The following APP variants were observed in gnomAD, a reference collection of about 807,000 sequenced individuals.
The protein encoded by APP is amyloid-beta precursor protein.
A neutral mutation model predicts 101.4 loss-of-function variants in APP; 31 were observed. The observed-to-expected ratio is 0.31, with a 90% confidence interval of 0.23 to 0.41. The LOEUF (loss-of-function observed/expected upper bound fraction) is 0.41. APP is among the 10% of genes least tolerant of loss of function. APP has a pLI of 1.00. For synonymous variants in APP, 366 were observed against 364.4 expected (o/e 1.00, Z -0.05); for missense variants, 839 against 1,003.7 (o/e 0.84, Z 2.22).
chr21:25,949,942 A>G (rs776438948), intron 13 of APP, among the ~76,000 whole-genome samples: 11 of 152,188 alleles, frequency 7.2e-5, no homozygotes, highest in Non-Finnish European at 1.3e-4. Context: ...TCAAAGTTCA[A>G]TTTCTTCAAC....
At chr21:26,035,202 G>A (rs2045048479) in intron 5 of APP, among the ~76,000 whole-genome samples, 1 of 152,108 alleles carries the variant, frequency 6.6e-6, no homozygotes, top group African/African-American at 2.4e-5. Context: ...GGGAGGTCAA[G>A]GCTACAGTGA....
At chr21:25,977,452 C>T (rs2042265475) in intron 9 of APP, among the ~76,000 whole-genome samples, 1 of 152,108 alleles carries the variant, frequency 6.6e-6, no homozygotes. Flanking sequence ...GGTACTTAGC[C>T]TTAAGGAATA....
intron 13 of APP, among the ~76,000 whole-genome samples, chr21:25,939,013 C>T (rs559351331): frequency 1.3e-5 from 2 of 152,186 alleles, no homozygotes; most frequent in African/African-American, 4.8e-5. Context: ...CTGATTTTTG[C>T]ACCCCAGGTA....
chr21:26,102,182 G>A (rs184690841), intron 2 of APP, among the ~76,000 whole-genome samples: 3,142 of 144,706 alleles, frequency 0.022, 104 homozygotes, highest in African/African-American at 0.078. Flanking sequence ...TCCACCTCCC[G>A]GGTTCACGCC....
At chr21:25,906,679 A>G (rs1002691785) in intron 14 of APP, among the ~76,000 whole-genome samples, 1 of 151,958 alleles carries the variant, frequency 6.6e-6, no homozygotes, top group Non-Finnish European at 1.5e-5. Context: ...TTTTTTTCCT[A>G]TTTGCAGCAA....
At chr21:25,998,838 T>G (rs929134397) in intron 7 of APP, among the ~76,000 whole-genome samples, 1 of 152,174 alleles carries the variant, frequency 6.6e-6, no homozygotes, top group Non-Finnish European at 1.5e-5. Context: ...GAATTTCACT[T>G]GGAAGTCTGT....
chr21:26,068,726 T>C (rs1295741774), intron 3 of APP, among the ~76,000 whole-genome samples: 1 of 152,080 alleles, frequency 6.6e-6, no homozygotes, highest in Non-Finnish European at 1.5e-5. Context: ...CTCAAGCCAA[T>C]CATTCTTTCC....
intron 5 of APP, among the ~76,000 whole-genome samples, chr21:26,049,193 G>A (rs2045734593): frequency 6.6e-6 from 1 of 152,058 alleles, no homozygotes; most frequent in Non-Finnish European, 1.5e-5. Flanking sequence ...TGGGGGAGAG[G>A]GAGACTGAAA....
intron 17 of APP, among the ~76,000 whole-genome samples, chr21:25,884,027 C>T (rs1252354745): frequency 2.0e-5 from 3 of 152,106 alleles, no homozygotes; most frequent in East Asian, 1.9e-4. Flanking sequence ...TACAGGCACC[C>T]GCCACTACGC....
In APP at chr21:26,022,519, C is replaced by T. The variant is rs115952641; in HGVS notation, c.663-477G>A. On this transcript the variant is annotated intron_variant, in intron 5 of 17. Coordinates refer to ENST00000346798, the MANE Select transcript of APP (RefSeq NM_000484.4). ...GGAATACTGGTTAATAATAGTGTAT[C>T]GATATTGGTTCAAACGTACCATACT... Among the ~76,000 whole-genome samples, 1,333 of 152,224 alleles carry T rather than the reference C, an allele frequency of 8.8e-3. 22 individuals carry two copies. Among genetic ancestry groups the T allele is most frequent in the African/African-American group, 0.03 (1,255 of 41,536 alleles).
chr21:26,089,357 G>A (rs2061769951), intron 3 of APP, among the ~76,000 whole-genome samples: 1 of 152,048 alleles, frequency 6.6e-6, no homozygotes, highest in South Asian at 2.1e-4. Context: ...AAATGTTGAG[G>A]TAAATTTGAG....
intron 1 of APP, among the ~76,000 whole-genome samples, chr21:26,145,651 T>C (rs1412769326): frequency 1.3e-5 from 2 of 152,208 alleles, no homozygotes; most frequent in Admixed American, 6.5e-5. Flanking sequence ...AAGGTGATAA[T>C]ATACAAAGTA....
chr21:26,001,491 A>C lies in APP; in HGVS notation c.866-1309T>G, dbSNP rs566830625. Among the ~76,000 whole-genome samples, 7 of 152,306 alleles carry C rather than the reference A, an allele frequency of 4.6e-5. No individual in the cohort carries two copies. The East Asian group carries it at 1.4e-3, about 29-fold the overall frequency. ...AGCCACGCATCACCCATTACTTCCAAGTTAGGAATATTCAACAGATTCTTT... is the reference window on the plus strand; with the variant it reads ...AGCCACGCATCACCCATTACTTCCACGTTAGGAATATTCAACAGATTCTTT... On this transcript the variant is annotated intron_variant, in intron 6 of 17. Coordinates refer to ENST00000346798, the MANE Select transcript of APP (RefSeq NM_000484.4).
intron 8 of APP, among the ~76,000 whole-genome samples, chr21:25,995,298 T>G (rs2043009845): frequency 6.6e-6 from 1 of 152,236 alleles, no homozygotes; most frequent in South Asian, 2.1e-4. Context: ...GCGTGCTCTA[T>G]TCATGGCATT....
chr21:25,881,930 CG>C (rs1215266666), intron 17 of APP, among the ~76,000 whole-genome samples, 159 bp from the exon 18 acceptor site: 1 of 152,172 alleles, frequency 6.6e-6, no homozygotes, highest in East Asian at 1.9e-4. Context: ...TGGAGCAGAA[CG>C]CCTTTGCCCA....
intron 2 of APP, among the ~76,000 whole-genome samples, chr21:26,110,913 G>A (rs956902204): frequency 1.3e-5 from 2 of 151,936 alleles, no homozygotes; most frequent in Non-Finnish European, 2.9e-5. Context: ...GCAGTCACAT[G>A]CAGAGATAAC....
At chr21:26,160,746 C>T (rs2063472628) in intron 1 of APP, among the ~76,000 whole-genome samples, 1 of 152,130 alleles carries the variant, frequency 6.6e-6, no homozygotes, top group Non-Finnish European at 1.5e-5. Context: ...TCTTTCCAAA[C>T]TCTACTAACT....
chr21:26,085,092 TG>T (rs1485700978), intron 3 of APP, among the ~76,000 whole-genome samples: 1 of 152,248 alleles, frequency 6.6e-6, no homozygotes, highest in Non-Finnish European at 1.5e-5. Context: ...ATCCCACTGT[TG>T]GGAGATAAAC....
intron 3 of APP, among the ~76,000 whole-genome samples, chr21:26,082,106 C>A (rs2061610434): frequency 6.6e-6 from 1 of 152,130 alleles, no homozygotes; most frequent in Admixed American, 6.5e-5. Flanking sequence ...GTAATCCCAG[C>A]TACTCAGGAG....
Sources: gnomAD v4.1 joint callset for allele counts (sites outside exome capture counted in the v4.1 genomes callset) on GRCh38, gnomAD v4.1.1 for gene constraint, MANE v1.5 for transcripts, NCBI Gene and HGNC (gene_info 2026-07-23, HGNC 2026-07-21) for gene names.